CTNNA2: variants seen among roughly 807,000 people sequenced by gnomAD.
The protein encoded by CTNNA2 is catenin alpha-2.
CTNNA2 carries 42 observed loss-of-function variants against 101.0 expected under a neutral mutation model. The observed-to-expected ratio is 0.42, with a 90% confidence interval of 0.32 to 0.54. The LOEUF (loss-of-function observed/expected upper bound fraction) is 0.54, where lower values mean the gene tolerates loss of function less well. CTNNA2 is among the 20% of genes least tolerant of loss of function. CTNNA2 has a pLI of 0.14. For synonymous variants in CTNNA2, 450 were observed against 456.4 expected (o/e 0.99, Z 0.18); for missense variants, 871 against 1,223.1 (o/e 0.71, Z 4.29).
intron 2 of CTNNA2, among the ~76,000 whole-genome samples, chr2:79,205,048 A>T (rs1325979835): frequency 6.6e-6 from 1 of 152,254 alleles, no homozygotes; most frequent in Non-Finnish European, 1.5e-5. Context: ...ATGGCATTGA[A>T]CAACTCAGTT....
Position 80,293,602 on chromosome 2 carries a change from CTGTT to C in CTNNA2, c.1057-99607_1057-99604del, listed in dbSNP as rs201518212. Among the ~76,000 whole-genome samples the C allele has an allele frequency of 9.2e-4, 140 of 152,278 alleles. 3 individuals carry two copies. In the East Asian group the frequency reaches 0.026, roughly 29 times the overall value. ...TCCTGGCCAAATGTATGCTACCCGT[CTGTT>C]TAAGTGCCTGAAATTCCAGCATTAG... is the stretch of plus-strand genomic sequence containing the variant. On this transcript the variant is annotated intron_variant, in intron 7 of 18. Coordinates refer to ENST00000402739, the MANE Select transcript of CTNNA2 (RefSeq NM_001282597.3).
chr2:80,041,072 A>G (rs2104269143), intron 7 of CTNNA2, among the ~76,000 whole-genome samples: 1 of 152,176 alleles, frequency 6.6e-6, no homozygotes, highest in Non-Finnish European at 1.5e-5. Flanking sequence ...TTATAAAATG[A>G]AAAAATATAT....
chr2:79,579,537 ATG>A (rs1415847867), intron 1 of CTNNA2, among the ~76,000 whole-genome samples: 4 of 152,174 alleles, frequency 2.6e-5, no homozygotes, highest in Non-Finnish European at 5.9e-5. Context: ...TAAAATATAA[ATG>A]TATTTGCTTG....
At chr2:79,280,037 G>T (rs915840594) in intron 2 of CTNNA2, among the ~76,000 whole-genome samples, 2 of 152,028 alleles carry the variant, frequency 1.3e-5, no homozygotes, top group East Asian at 1.9e-4. Context: ...GCATGTCTTT[G>T]TTTTCTACAT....
chr2:80,187,762 G>A (rs1477157064), intron 7 of CTNNA2, among the ~76,000 whole-genome samples: 1 of 151,770 alleles, frequency 6.6e-6, no homozygotes, highest in Non-Finnish European at 1.5e-5. Context: ...AGTTATCACA[G>A]ATGCCTCTCA....
chr2:80,153,168 C>G lies in CTNNA2; in HGVS notation c.1057-240043C>G, dbSNP rs181934738. Among the ~76,000 whole-genome samples the G allele has an allele frequency of 7.2e-4, 110 of 152,300 alleles. No individual in the cohort carries two copies. In the East Asian group the frequency reaches 0.02, roughly 28 times the overall value. ...GCTTGTGCCGGGAAAGGCACCTCTC[C>G]TCTGCTTCAGTGTCCATGCTAAGGG... On this transcript the variant is annotated intron_variant, in intron 7 of 18. Coordinates refer to ENST00000402739, the MANE Select transcript of CTNNA2 (RefSeq NM_001282597.3).
In CTNNA2 at chr2:80,463,554, A is replaced by C. The variant is rs996988933; in HGVS notation, c.1290+43953A>C. ...TTCCTTAGAATGTTTGGGAGTTTTC[A>C]TGTTCAGGCTGCTTTCAAAATCAAC... is the stretch of plus-strand genomic sequence containing the variant. On this transcript the variant is annotated intron_variant, in intron 9 of 18. Coordinates refer to ENST00000402739, the MANE Select transcript of CTNNA2 (RefSeq NM_001282597.3). Among the ~76,000 whole-genome samples the C allele has an allele frequency of 1.3e-5, 2 of 152,142 alleles. 1 individual carries two copies. Among genetic ancestry groups the C allele is most frequent in the Non-Finnish European group, 2.9e-5 (2 of 68,018 alleles).
chr2:80,371,707 G>A (rs1034394967), intron 7 of CTNNA2, among the ~76,000 whole-genome samples: 2 of 152,092 alleles, frequency 1.3e-5, no homozygotes, highest in African/African-American at 4.8e-5. Context: ...AGAATGCCAC[G>A]TGAAAGAGCC....
intron 1 of CTNNA2, among the ~76,000 whole-genome samples, chr2:79,587,407 G>A (rs1022167349): frequency 4.6e-5 from 7 of 151,896 alleles, no homozygotes; most frequent in Non-Finnish European, 2.9e-5. Flanking sequence ...TTCATGCCCA[G>A]CCCTCTGGCT....
At chr2:79,929,216 G>T (rs1222207971) in intron 7 of CTNNA2, among the ~76,000 whole-genome samples, 1 of 152,074 alleles carries the variant, frequency 6.6e-6, no homozygotes, top group African/African-American at 2.4e-5. Context: ...ATTAATTCCA[G>T]GGGGAAATTT....
At chr2:79,310,493 A>G (rs1676341754) in intron 2 of CTNNA2, among the ~76,000 whole-genome samples, 1 of 152,234 alleles carries the variant, frequency 6.6e-6, no homozygotes, top group Non-Finnish European at 1.5e-5. Flanking sequence ...ACCTCAGATT[A>G]TTAACAGACT....
chr2:80,047,670 C>T (rs981592642), intron 7 of CTNNA2, among the ~76,000 whole-genome samples: 11 of 152,108 alleles, frequency 7.2e-5, no homozygotes, highest in Non-Finnish European at 1.3e-4. Context: ...AACTACAGAC[C>T]TGTTAATTTC....
At chr2:79,302,212 T>A (rs531835573) in intron 2 of CTNNA2, among the ~76,000 whole-genome samples, 57 of 152,294 alleles carry the variant, frequency 3.7e-4, no homozygotes, top group African/African-American at 1.3e-3. Context: ...CTGAGAGTCA[T>A]GATAACAATG....
intron 9 of CTNNA2, among the ~76,000 whole-genome samples, chr2:80,532,659 T>G (rs188782316): frequency 3.5e-4 from 54 of 152,304 alleles, no homozygotes; most frequent in African/African-American, 1.2e-3. Flanking sequence ...CTTGGTACTA[T>G]TTGTGGTTTC....
At chr2:80,306,545 G>T (rs1007128710) in intron 7 of CTNNA2, among the ~76,000 whole-genome samples, 1 of 151,540 alleles carries the variant, frequency 6.6e-6, no homozygotes, top group African/African-American at 2.4e-5. Context: ...TCAGGCATTT[G>T]CATGTTTCAT....
At chr2:80,605,186 C>T (rs556780055) in intron 16 of CTNNA2, 36 of 151,968 alleles carry the variant, frequency 2.4e-4, no homozygotes, top group Admixed American at 1.6e-3. Flanking sequence ...CCATACTTTT[C>T]GTTTTATTTG....
intron 2 of CTNNA2, among the ~76,000 whole-genome samples, chr2:79,311,136 G>A (rs903997855): frequency 2.0e-5 from 3 of 152,196 alleles, no homozygotes; most frequent in Non-Finnish European, 4.4e-5. Flanking sequence ...TTGGCCGGGC[G>A]CTGTGGCTCA....
At chr2:80,156,552 G>A (rs757446284) in intron 7 of CTNNA2, among the ~76,000 whole-genome samples, 15 of 152,246 alleles carry the variant, frequency 9.9e-5, no homozygotes, top group Non-Finnish European at 1.6e-4. Context: ...GGAGAAAAAG[G>A]TAGGTTGGTT....
intron 7 of CTNNA2, among the ~76,000 whole-genome samples, chr2:80,231,372 C>T (rs779494280): frequency 1.3e-5 from 2 of 152,148 alleles, no homozygotes; most frequent in African/African-American, 2.4e-5. Context: ...TGTGATGGTA[C>T]GGCATTCATA....
Sources: gnomAD v4.1 joint callset for allele counts (sites outside exome capture counted in the v4.1 genomes callset) on GRCh38, gnomAD v4.1.1 for gene constraint, MANE v1.5 for transcripts, NCBI Gene and HGNC (gene_info 2026-07-23, HGNC 2026-07-21) for gene names.